Variants in LRP2 observed in about 807,000 individuals in gnomAD.
LRP2 encodes LDL receptor related protein 2.
LRP2 carries 172 observed loss-of-function variants against 531.0 expected under a neutral mutation model. That is an observed-to-expected ratio of 0.32 (90% CI 0.29 to 0.37). The LOEUF is 0.37. LRP2 is among the 10% of genes least tolerant of loss of function. The pLI is 1.00. For missense variants in LRP2, 5,167 were observed against 5,868.3 expected, an observed-to-expected ratio of 0.88 and a Z score of 3.90; for synonymous variants, 1,992 against 2,027.6, an observed-to-expected ratio of 0.98 and a Z score of 0.47.
chr2:169,219,541 C>T (rs922964424), intron 34 of LRP2, among the ~76,000 whole-genome samples: 1 of 152,148 alleles, frequency 6.6e-6, no homozygotes, highest in Non-Finnish European at 1.5e-5. Flanking sequence ...TTCTAAAACA[C>T]AAATTTGGTT....
At chr2:169,338,373 AAAGAAAGAAAG>A in intron 1 of LRP2, among the ~76,000 whole-genome samples, 1 of 121,478 alleles carries the variant, frequency 8.2e-6, no homozygotes, top group South Asian at 2.6e-4. Flanking sequence ...AGAAAGAAAG[AAAGAAAGAAAG>A]AAAGAAAGAA....
At position 169,231,862 on chromosome 2, in the gene LRP2, A is replaced by C. The variant is rs763593944; in HGVS notation, c.5099-20T>G. The stretch of plus-strand genomic sequence containing the variant: ...TCACGGCTGCATGAGAAAGAGAAGA[A>C]AGCACCAGTAAGTGGAAAACCTCCA... On this transcript the variant is annotated intron_variant, in intron 30 of 78. Coordinates refer to ENST00000649046, the MANE Select transcript of LRP2 (RefSeq NM_004525.3). The C allele has an allele frequency of 2.5e-6, 4 of 1,613,164 alleles. No homozygotes were observed. The East Asian group carries it at 6.7e-5, about 27-fold the overall frequency.
Position 169,238,186 on chromosome 2 carries a change from C to G in LRP2, c.4411G>C (p.Val1471Leu). The change falls in exon 27 of 79, where the codon GTT becomes CTT. Residue 1471 changes from valine to leucine, a missense_variant. Physicochemically the swap from Val to Leu is conservative, Grantham distance 32. Around this residue, in one of 6 missense-constraint regions of LRP2, gnomAD observed 2,811 missense variants for 3,058.0 expected, o/e 0.92. Coordinates refer to ENST00000649046, the MANE Select transcript of LRP2 (RefSeq NM_004525.3). ...CGACCACTAATTGAATCAAAATCAA[C>G]AGCTACAATGTAAGAACCATTCTCG... ...LVENGSYIVA[V>L]DFDSISGRIF... is the part of the protein sequence containing the mutation. 1.2e-6 allele frequency: 2 copies of G among 1,614,142 alleles called. No homozygotes were observed. The highest frequency in any genetic ancestry group is 1.7e-6 in the Non-Finnish European group (2 of 1,179,974).
rs960402781 is a variant in LRP2, at chr2:169,183,266, C to T, written c.9846-947G>A. Among the ~76,000 whole-genome samples the T allele has an allele frequency of 2.0e-5, 3 of 152,190 alleles. 1 individual carries two copies. Among genetic ancestry groups the T allele is most frequent in the Admixed American group, 6.5e-5 (1 of 15,282 alleles). On this transcript the variant is annotated intron_variant, in intron 50 of 78. Coordinates refer to ENST00000649046, the MANE Select transcript of LRP2 (RefSeq NM_004525.3). ...ATCTGAATAGTTAGGACAGTAGCAT[C>T]GCTTCAGGCTTCAGCAAGAAAGAAT...
At chr2:169,333,260 C>G (rs1490754301) in intron 1 of LRP2, among the ~76,000 whole-genome samples, 3 of 151,926 alleles carry the variant, frequency 2.0e-5, no homozygotes, top group Non-Finnish European at 2.9e-5. Context: ...GCAGAAAGTT[C>G]AAAATTCTCC....
At position 169,246,938 on chromosome 2, in the gene LRP2, T is replaced by G; in HGVS notation, c.2957A>C (p.His986Pro). 1 of 1,614,176 alleles carries G rather than the reference T, an allele frequency of 6.2e-7. No individual in the cohort carries two copies. The highest frequency in any genetic ancestry group is 1.1e-5 in the South Asian group (1 of 91,074). The stretch of plus-strand genomic sequence containing the variant: ...GAAATTTGGCACCGGGAAGCAGAAG[T>G]GGCTGCAGTCACCGTTAGGATGCGT... ...QPTHPNGDCSHFCFPVPNFQR... is the reference protein window; with the variant it reads ...QPTHPNGDCSPFCFPVPNFQR... The change falls in exon 21 of 79, where the codon CAC becomes CCC. Residue 986 changes from histidine to proline, a missense_variant. Physicochemically the swap from His to Pro is moderately conservative, Grantham distance 77. This residue lies in a region of LRP2 where 2,811 missense variants were observed against 3,058.0 expected (regional missense o/e 0.92). Transcript: ENST00000649046.
At chr2:169,128,947 C>G (rs1685189706) in intron 78 of LRP2, 66 bp downstream of exon 78, 2 of 1,535,144 alleles carry the variant, frequency 1.3e-6, no homozygotes, top group African/African-American at 1.4e-5. Context: ...AGTGTGTGTC[C>G]AATTTAACCA....
intron 68 of LRP2, 122 bp from the exon 69 acceptor site, chr2:169,147,081 G>T: frequency 1.3e-6 from 1 of 765,506 alleles, no homozygotes; most frequent in South Asian, 1.5e-5. Flanking sequence ...GGTGCTCAGT[G>T]ACACCAGTTT....
At chr2:169,240,803 T>G in intron 25 of LRP2, 185 bp downstream of exon 25, 1 of 721,890 alleles carries the variant, frequency 1.4e-6, no homozygotes, top group Non-Finnish European at 2.4e-6. Flanking sequence ...AAGGATTTAA[T>G]CAGAAAATTA....
chr2:169,183,712 C>T (rs1271984420), intron 50 of LRP2, among the ~76,000 whole-genome samples: 1 of 152,124 alleles, frequency 6.6e-6, no homozygotes, highest in African/African-American at 2.4e-5. Context: ...GTCTCCACTA[C>T]TGGAAAAATT....
At chr2:169,238,857 G>A (rs1393038210) in intron 26 of LRP2, among the ~76,000 whole-genome samples, 2 of 152,098 alleles carry the variant, frequency 1.3e-5, no homozygotes, top group Admixed American at 1.3e-4. Flanking sequence ...ACTAAGTTCT[G>A]ACCAATAGGA....
intron 30 of LRP2, among the ~76,000 whole-genome samples, chr2:169,233,061 C>G (rs1689468607): frequency 6.6e-6 from 1 of 152,160 alleles, no homozygotes; most frequent in Admixed American, 6.5e-5. Flanking sequence ...AAGTAAGCTG[C>G]TTTCAATCAG....
rs1487174961 is a variant in LRP2, at chr2:169,138,575, ACCATTGCCATTGACCTGT to A, written c.13502_13518+1del. 6.2e-7 allele frequency: 1 copy of A among 1,613,714 alleles called. No homozygotes were observed. On this transcript the variant is annotated splice_donor_variant and coding_sequence_variant, in exon 75 of 79. Transcript: ENST00000649046. LOFTEE classifies it high-confidence loss of function. ...AAATAATCATTTTGAAACCATACTC[ACCATTGCCATTGACCTGT>A]CAATAGCAGTCTCAGGTCCAAAACC...
chr2:169,247,321 G>GT, intron 20 of LRP2, 57 bp downstream of exon 20: 5 of 1,586,538 alleles, frequency 3.2e-6, no homozygotes, highest in Non-Finnish European at 4.3e-6. Flanking sequence ...AGGAGCCACT[G>GT]TAACAAATAA....
In LRP2 at chr2:169,231,706, T is replaced by C. The variant is rs1366869192; in HGVS notation, c.5227+8A>G. On this transcript the variant is annotated splice_region_variant and intron_variant, in intron 31 of 78. Transcript: ENST00000649046. ...ATCTTCAGAGCTCACATAAGGAGCATACTATACCTCTCAAGCAATTCAGGA... is the reference window on the plus strand; with the variant it reads ...ATCTTCAGAGCTCACATAAGGAGCACACTATACCTCTCAAGCAATTCAGGA... The C allele has an allele frequency of 1.2e-6, 2 of 1,613,638 alleles. No individual in the cohort carries two copies. The highest frequency in any genetic ancestry group is 2.7e-5 in the African/African-American group (2 of 74,856).
chr2:169,164,114 G>A (rs1686691820), intron 62 of LRP2, among the ~76,000 whole-genome samples: 1 of 152,216 alleles, frequency 6.6e-6, no homozygotes, highest in Admixed American at 6.5e-5. Flanking sequence ...TGTCATCCCA[G>A]CCCAGTGGGA....
chr2:169,128,474 G>GA lies in LRP2; in HGVS notation c.*188_*189insT. ...TGCAAAGATATACATATAGTACATT[G>GA]TGATAATTATTTGTAAAAATATGAG... On this transcript the variant is annotated 3_prime_UTR_variant, in exon 79 of 79. Transcript: ENST00000649046. 1 of 586,310 alleles carries GA rather than the reference G, an allele frequency of 1.7e-6. No homozygotes were observed. Among genetic ancestry groups the GA allele is most frequent in the South Asian group, 2.0e-5 (1 of 50,286 alleles). The allele number at this position is 586,310 out of a possible 1,614,324, so 36.3% of individuals were successfully genotyped here. A position where few individuals can be genotyped will look rare whatever the true frequency, so the allele number is the denominator to read the frequency against.
chr2:169,183,513 T>C (rs1687515319), intron 50 of LRP2, among the ~76,000 whole-genome samples: 1 of 151,840 alleles, frequency 6.6e-6, no homozygotes, highest in South Asian at 2.1e-4. Context: ...TTAGAAGGAG[T>C]TGCTATTATT....
intron 41 of LRP2, among the ~76,000 whole-genome samples, chr2:169,205,079 T>C (rs529338513): frequency 2.0e-5 from 3 of 151,736 alleles, no homozygotes; most frequent in Non-Finnish European, 4.4e-5. Context: ...AGACATTGAA[T>C]GCTAAAGCCC....
Sources: allele counts gnomAD v4.1 joint callset (sites outside exome capture counted in the v4.1 genomes callset), GRCh38; gene constraint gnomAD v4.1.1; regional missense constraint gnomAD v4.1.1; transcripts MANE v1.5; gene names NCBI Gene and HGNC (gene_info 2026-07-23, HGNC 2026-07-21).